The following DST variants were observed in gnomAD, a reference collection of about 807,000 sequenced individuals.
DST encodes dystonin.
In DST, 253 loss-of-function variants were observed where a neutral mutation model predicts 875.2. The observed-to-expected ratio is 0.29, with a 90% CI of 0.26 to 0.32. DST has a LOEUF of 0.32. Ranked by LOEUF, DST falls within the 10% of genes least tolerant of loss-of-function variation. The pLI is 1.00. For missense variants in DST, 8,287 were observed against 9,111.6 expected (o/e 0.91, Z 3.68); for synonymous variants, 3,124 against 3,197.1 (o/e 0.98, Z 0.77).
chr6:56,943,430 C>CTT (rs1408845257), intron 2 of DST, among the ~76,000 whole-genome samples: 3 of 136,004 alleles, frequency 2.2e-5, no homozygotes, highest in Non-Finnish European at 4.8e-5. Context: ...TTTTCTTTTT[C>CTT]TTTTTTTTTT....
intron 3 of DST, among the ~76,000 whole-genome samples, chr6:56,868,051 T>A (rs945333904): frequency 2.0e-5 from 3 of 152,144 alleles, no homozygotes; most frequent in East Asian, 3.9e-4. Flanking sequence ...TATTATGTAG[T>A]TTTTTTAAAA....
intron 92 of DST, among the ~76,000 whole-genome samples, chr6:56,475,394 A>AACACACAC (rs35690052): frequency 0.032 from 4,707 of 144,898 alleles, 278 homozygotes; most frequent in African/African-American, 0.11. Context: ...AGGCTTTTAA[A>AACACACAC]ACACACACAC....
chr6:56,676,331 G>A (rs2099129923), intron 9 of DST, among the ~76,000 whole-genome samples: 1 of 152,226 alleles, frequency 6.6e-6, no homozygotes, highest in African/African-American at 2.4e-5. Context: ...GCTGCCCAAA[G>A]TGCTGGGATT....
chr6:56,626,010 A>C (rs1200294843), intron 34 of DST, among the ~76,000 whole-genome samples: 2 of 151,684 alleles, frequency 1.3e-5, no homozygotes, highest in Non-Finnish European at 2.9e-5. Context: ...AAAAATAGAA[A>C]AAAGCTTACA....
At chr6:56,529,083 CTT>C (rs2096852174) in intron 66 of DST, among the ~76,000 whole-genome samples, 158 bp from the exon 67 acceptor site, 2 of 150,756 alleles carry the variant, frequency 1.3e-5, no homozygotes, top group African/African-American at 5.0e-5. Flanking sequence ...GTTTAGACCT[CTT>C]CTTTTCACCT....
intron 4 of DST, among the ~76,000 whole-genome samples, chr6:56,771,465 G>A (rs1370844583): frequency 2.0e-5 from 3 of 152,154 alleles, no homozygotes; most frequent in African/African-American, 7.2e-5. Context: ...ACTGAATGCA[G>A]AGTATTAAAA....
At chr6:56,649,269 A>G (rs2098961088) in intron 12 of DST, among the ~76,000 whole-genome samples, 1 of 152,236 alleles carries the variant, frequency 6.6e-6, no homozygotes, top group Non-Finnish European at 1.5e-5. Context: ...GTATTTGATG[A>G]GTGCTTATTA....
At chr6:56,940,569 C>CA (rs138343750) in intron 2 of DST, among the ~76,000 whole-genome samples, 2 of 148,536 alleles carry the variant, frequency 1.3e-5, no homozygotes, top group East Asian at 3.9e-4. Flanking sequence ...TTCTCTTATC[C>CA]TTTTTTTTTT....
chr6:56,570,390 G>A (rs2097761696), intron 53 of DST, among the ~76,000 whole-genome samples: 1 of 152,172 alleles, frequency 6.6e-6, no homozygotes, highest in African/African-American at 2.4e-5. Context: ...CCTGAAACTA[G>A]GCAGTCCCAT....
At chr6:56,718,445 A>C (rs1336513411) in intron 5 of DST, among the ~76,000 whole-genome samples, 3 of 152,240 alleles carry the variant, frequency 2.0e-5, no homozygotes, top group South Asian at 2.1e-4. Flanking sequence ...GGAATCCTTA[A>C]ACATTGCTAG....
chr6:56,627,919 T>C (rs1242341050), intron 33 of DST, 80 bp downstream of exon 33: 6 of 1,395,066 alleles, frequency 4.3e-6, no homozygotes, highest in Non-Finnish European at 5.1e-6. Flanking sequence ...ACTTTTTCAT[T>C]TAACATAGGA....
chr6:56,671,042 C>A (rs140408175), intron 9 of DST, among the ~76,000 whole-genome samples: 1 of 152,078 alleles, frequency 6.6e-6, no homozygotes, highest in Non-Finnish European at 1.5e-5. Flanking sequence ...TTTTATTTAG[C>A]CCTCATACCT....
chr6:56,808,509 TA>T, intron 4 of DST, among the ~76,000 whole-genome samples: 1 of 152,250 alleles, frequency 6.6e-6, no homozygotes, highest in Middle Eastern at 3.4e-3. Flanking sequence ...GAAGAAAGGG[TA>T]AAAAATGATT....
chr6:56,608,514 G>T lies in DST; in HGVS notation c.6114C>A (p.Asn2038Lys). Residue 2038 changes from asparagine (N) to lysine (K), a missense_variant, in exon 40 of 104, where the codon AAC (asparagine) becomes AAA (lysine). Physicochemically the swap from Asn to Lys is moderately conservative, Grantham distance 94. Coordinates refer to ENST00000680361, the MANE Select transcript of DST (RefSeq NM_001374736.1). ...CGTCTACAGTTAAACGCTTGGCAGG[G>T]TTTGACTGGATGATTCCACCAGTTT... The part of the protein sequence containing the change: ...QVQTGGIIQS[N>K]PAKRLTVDEA... 1 of 1,613,562 alleles carries T rather than the reference G, an allele frequency of 6.2e-7. No individual in the cohort carries two copies. Among genetic ancestry groups the T allele is most frequent in the Non-Finnish European group, 8.5e-7 (1 of 1,179,762 alleles).
chr6:56,845,759 G>A (rs1437434402), intron 4 of DST, among the ~76,000 whole-genome samples: 1 of 152,188 alleles, frequency 6.6e-6, no homozygotes, highest in Non-Finnish European at 1.5e-5. Context: ...ATCAGAGACT[G>A]ACACCCAGTA....
chr6:56,833,858 C>T (rs2099790287), intron 4 of DST, among the ~76,000 whole-genome samples: 1 of 151,750 alleles, frequency 6.6e-6, no homozygotes, highest in Non-Finnish European at 1.5e-5. Flanking sequence ...ATTTGCAAAA[C>T]ATATCTGATA....
intron 60 of DST, 94 bp downstream of exon 60, chr6:56,555,251 T>C (rs937573269): frequency 1.2e-4 from 160 of 1,375,334 alleles, no homozygotes; most frequent in South Asian, 1.6e-4. Flanking sequence ...GCAGAGTCTC[T>C]TTGGGGTCCT....
At chr6:56,930,575 C>A (rs1183709102) in intron 2 of DST, among the ~76,000 whole-genome samples, 3 of 152,128 alleles carry the variant, frequency 2.0e-5, no homozygotes, top group Non-Finnish European at 2.9e-5. Context: ...CTTTTCCTAC[C>A]AATAAAACAG....
chr6:56,663,212 C>A (rs978431706), intron 10 of DST, among the ~76,000 whole-genome samples: 1 of 152,174 alleles, frequency 6.6e-6, no homozygotes, highest in Admixed American at 6.5e-5. Context: ...TGGATGCAGA[C>A]GCACTACATT....
Sources: gnomAD v4.1 joint callset for allele counts (sites outside exome capture counted in the v4.1 genomes callset) on GRCh38, gnomAD v4.1.1 for gene constraint, MANE v1.5 for transcripts, NCBI Gene and HGNC (gene_info 2026-07-23, HGNC 2026-07-21) for gene names.